CLASP2: variants seen among roughly 807,000 people sequenced by gnomAD.
The protein encoded by CLASP2 is cytoplasmic linker associated protein 2.
In CLASP2, 47 loss-of-function variants were observed where a neutral mutation model predicts 194.4. That is an observed-to-expected ratio of 0.24 (90% CI 0.19 to 0.31). CLASP2 has a LOEUF of 0.31. Ranked by LOEUF, CLASP2 falls within the 10% of genes least tolerant of loss-of-function variation. CLASP2 has a pLI of 1.00. For synonymous variants in CLASP2, 619 were observed against 633.5 expected, an observed-to-expected ratio of 0.98 and a Z score of 0.34; for missense variants, 1,445 against 1,823.6, an observed-to-expected ratio of 0.79 and a Z score of 3.78.
chr3:33,596,615 A>G lies in CLASP2; in HGVS notation c.1948+96T>C, dbSNP rs1275653507. ...TTATCACTAAATAAGTATTAATAATATATTTTTAGAAATTAAGAGAAGAAT... is the reference window on the plus strand; with the variant it reads ...TTATCACTAAATAAGTATTAATAATGTATTTTTAGAAATTAAGAGAAGAAT... On this transcript the variant is annotated intron_variant, in intron 19 of 38. Transcript: ENST00000682230. 3 of 838,538 alleles carry G rather than the reference A, an allele frequency of 3.6e-6. No individual in the cohort carries two copies. In the South Asian group the frequency reaches 5.1e-5, roughly 14 times the overall value. 51.9% of individuals were successfully genotyped at this position (838,538 alleles called of 1,614,324 possible). A position where few individuals can be genotyped will look rare whatever the true frequency, so the allele number is the denominator to read the frequency against.
At chr3:33,504,927 T>C (rs2047726659) in intron 37 of CLASP2, 1 of 152,184 alleles carries the variant, frequency 6.6e-6, no homozygotes, top group Non-Finnish European at 1.5e-5. Flanking sequence ...TACCAGTCCA[T>C]GGCCTGGGGG....
intron 1 of CLASP2, among the ~76,000 whole-genome samples, chr3:33,701,764 A>G (rs1212661155): frequency 6.6e-6 from 1 of 152,252 alleles, no homozygotes; most frequent in Non-Finnish European, 1.5e-5. Context: ...ATCCATGTGC[A>G]AAATAAAAAA....
rs143790468 is a variant in CLASP2 at position 33,643,961 on chromosome 3, C to A, written c.862+796G>T. On this transcript the variant is annotated intron_variant, in intron 8 of 38. Coordinates refer to ENST00000682230, the MANE Select transcript of CLASP2 (RefSeq NM_001365631.1). Reference sequence around the variant, plus strand: ...CCCAAAATATCACAACTAAGACATACATTTATTTTTAAAAAGGAAAGAAAG... The same window carrying A: ...CCCAAAATATCACAACTAAGACATAAATTTATTTTTAAAAAGGAAAGAAAG... Among the ~76,000 whole-genome samples, 989 of 152,088 alleles carry A rather than the reference C, an allele frequency of 6.5e-3. 9 individuals are homozygous for A. The highest frequency in any genetic ancestry group is 0.022 in the African/African-American group (896 of 41,532).
chr3:33,699,663 T>TATATACCTATG (rs1451586944), intron 1 of CLASP2, among the ~76,000 whole-genome samples: 20 of 152,218 alleles, frequency 1.3e-4, no homozygotes, highest in South Asian at 1.0e-3. Context: ...TTCCTACAAA[T>TATATACCTATG]ATATACCTAT....
At position 33,543,462 on chromosome 3, in the gene CLASP2, G is replaced by A. The variant is rs2058693716; in HGVS notation, c.3375C>T (p.Thr1125=). ...ANWSSPLTSP[T]NTSQNTLSPS... is the part of the protein sequence containing the mutation. ...GAGATAAAGTATTCTGTGATGTATT[G>A]GTAGGAGAAGTAAGAGGACTGGACC... is the stretch of plus-strand genomic sequence containing the variant. The change falls in exon 32 of 39, where the codon ACC becomes ACT. Residue 1125 remains threonine (T), a synonymous_variant. Transcript: ENST00000682230. The A allele has an allele frequency of 6.2e-7, 1 of 1,608,658 alleles. No individual in the cohort carries two copies. Among genetic ancestry groups the A allele is most frequent in the East Asian group, 2.2e-5 (1 of 44,858 alleles).
Position 33,570,808 on chromosome 3 carries a change from C to T in CLASP2, c.2700-18G>A, listed in dbSNP as rs191758415. 19 of 1,557,264 alleles carry T rather than the reference C, an allele frequency of 1.2e-5. No individual in the cohort carries two copies. Among genetic ancestry groups the T allele is most frequent in the East Asian group, 7.0e-5 (3 of 42,746 alleles). On this transcript the variant is annotated intron_variant, in intron 25 of 38. Transcript: ENST00000682230. ...CAACTCGACTGCCAAGATAATACAG[C>T]GGTTAATTAATATCTTGCTGTAGCA... is the stretch of plus-strand genomic sequence containing the variant.
At chr3:33,588,557 G>GA in intron 21 of CLASP2, 1 of 511,982 alleles carries the variant, frequency 2.0e-6, no homozygotes, top group South Asian at 3.5e-5. Flanking sequence ...AAAGGCCAAA[G>GA]AAAAATCACA....
chr3:33,544,610 G>T (rs927393453), intron 31 of CLASP2, 88 bp downstream of exon 31: 1 of 1,212,714 alleles, frequency 8.2e-7, no homozygotes, highest in Non-Finnish European at 1.1e-6. Flanking sequence ...ATATATTAAG[G>T]ATCAAGTTTA....
chr3:33,508,726 T>C (rs746918047), intron 37 of CLASP2, among the ~76,000 whole-genome samples: 4 of 152,198 alleles, frequency 2.6e-5, no homozygotes, highest in Non-Finnish European at 4.4e-5. Context: ...ATCCTGAAAA[T>C]AGGATAGGTA....
intron 30 of CLASP2, among the ~76,000 whole-genome samples, chr3:33,550,026 G>A (rs537413268): frequency 1.3e-5 from 2 of 152,136 alleles, no homozygotes; most frequent in East Asian, 1.9e-4. Context: ...GAGCCACTGC[G>A]TCCGGCCTAT....
chr3:33,581,045 A>G (rs1187368552), intron 23 of CLASP2, among the ~76,000 whole-genome samples: 1 of 151,414 alleles, frequency 6.6e-6, no homozygotes, highest in Admixed American at 6.6e-5. Flanking sequence ...AGAAAGAAAA[A>G]AAAGAAAAAG....
intron 3 of CLASP2, among the ~76,000 whole-genome samples, chr3:33,689,239 T>A (rs934871862): frequency 6.6e-6 from 1 of 152,052 alleles, no homozygotes; most frequent in African/African-American, 2.4e-5. Context: ...AGGAATGCTA[T>A]TCCATATAAA....
At position 33,677,348 on chromosome 3, in the gene CLASP2, T is replaced by C. The variant is rs563659108; in HGVS notation, c.644+7011A>G. Among the ~76,000 whole-genome samples the C allele has an allele frequency of 7.3e-4, 110 of 150,534 alleles. 1 individual carries two copies. Among genetic ancestry groups the C allele is most frequent in the African/African-American group, 2.0e-3 (84 of 41,150 alleles). On this transcript the variant is annotated intron_variant, in intron 6 of 38. Transcript: ENST00000682230. ...GACTGGATTAAGAAAATGTGGCACA[T>C]ATACACCATGGAATACTATGCAGCC... is the stretch of plus-strand genomic sequence containing the variant.
chr3:33,561,058 C>T, intron 27 of CLASP2, 87 bp from the exon 28 acceptor site: 2 of 1,193,096 alleles, frequency 1.7e-6, no homozygotes, highest in South Asian at 3.1e-5. Context: ...CAGAAAGGAA[C>T]ACAGGAATCA....
At position 33,651,816 on chromosome 3, in the gene CLASP2, C is replaced by T. The variant is rs959128988; in HGVS notation, c.716-6913G>A. Among the ~76,000 whole-genome samples, 6 of 151,932 alleles carry T rather than the reference C, an allele frequency of 3.9e-5. No homozygotes were observed. In the South Asian group the frequency reaches 8.3e-4, roughly 21 times the overall value. ...CTGGGATTACAGGCATGCACCACCA[C>T]GGCCAGCTAATTTTGTCTTTTTGGT... On this transcript the variant is annotated intron_variant, in intron 7 of 38. Transcript: ENST00000682230.
intron 24 of CLASP2, chr3:33,574,587 ATGATCAGAAACATTACGTTTT>A: frequency 1.5e-6 from 1 of 684,782 alleles, no homozygotes; most frequent in Non-Finnish European, 2.4e-6. Flanking sequence ...AACAATGCCT[ATGATCAGAAACATTACGTTTT>A]TTTCACACAT....
intron 6 of CLASP2, among the ~76,000 whole-genome samples, chr3:33,677,767 A>G (rs2089041249): frequency 6.6e-6 from 1 of 151,084 alleles, no homozygotes; most frequent in Admixed American, 6.6e-5. Context: ...CCTGAAAAAA[A>G]AAAATTATTC....
At chr3:33,616,889 C>T (rs2076279546) in intron 12 of CLASP2, among the ~76,000 whole-genome samples, 1 of 151,556 alleles carries the variant, frequency 6.6e-6, no homozygotes, top group Non-Finnish European at 1.5e-5. Flanking sequence ...AGGCATGCAC[C>T]ATCACGCCCA....
At chr3:33,559,006 T>A in intron 29 of CLASP2, 1 of 413,778 alleles carries the variant, frequency 2.4e-6, no homozygotes, top group East Asian at 5.4e-5. Context: ...TAAATAACAT[T>A]TGAAATCAAA....
Sources: gnomAD v4.1 joint callset for allele counts (sites outside exome capture counted in the v4.1 genomes callset) on GRCh38, gnomAD v4.1.1 for gene constraint, MANE v1.5 for transcripts, NCBI Gene and HGNC (gene_info 2026-07-23, HGNC 2026-07-21) for gene names.